Variants in LRP1B observed in about 807,000 individuals in gnomAD.
LRP1B encodes low-density lipoprotein receptor-related protein 1B.
A neutral mutation model predicts 556.6 loss-of-function variants in LRP1B; 217 were observed. That is an observed-to-expected ratio of 0.39 (90% CI 0.35 to 0.44). The LOEUF is 0.44. LRP1B is among the 20% of genes least tolerant of loss of function. LRP1B has a pLI of 1.00. For synonymous variants in LRP1B, 2,047 were observed against 1,865.8 expected, an observed-to-expected ratio of 1.10 and a Z score of -2.50; for missense variants, 5,053 against 5,620.8, an observed-to-expected ratio of 0.90 and a Z score of 3.23.
At chr2:141,467,100 G>GTATATATATATATATATATATATATA (rs1682243955) in intron 3 of LRP1B, among the ~76,000 whole-genome samples, 3 of 108,608 alleles carry the variant, frequency 2.8e-5, no homozygotes, top group African/African-American at 1.3e-4. Context: ...ACATATATAT[G>GTATATATATATATATATATATATATA]TGTATATATA....
chr2:140,372,129 ATACT>A (rs1311046129), intron 69 of LRP1B, among the ~76,000 whole-genome samples: 1 of 151,942 alleles, frequency 6.6e-6, no homozygotes, highest in African/African-American at 2.4e-5. Flanking sequence ...GTAGTCTCTC[ATACT>A]TACTTAATGA....
At chr2:141,421,472 T>C (rs1420203341) in intron 3 of LRP1B, among the ~76,000 whole-genome samples, 5 of 144,250 alleles carry the variant, frequency 3.5e-5, no homozygotes, top group East Asian at 2.0e-4. Flanking sequence ...GAGCTTGCAG[T>C]GAGCCGAGAT....
chr2:140,250,394 C>G (rs1681360269), intron 86 of LRP1B, among the ~76,000 whole-genome samples: 1 of 151,766 alleles, frequency 6.6e-6, no homozygotes, highest in African/African-American at 2.4e-5. Context: ...TAAACAGATA[C>G]TTATTGACTA....
chr2:140,428,712 A>T (rs899560430), intron 66 of LRP1B, among the ~76,000 whole-genome samples: 6 of 151,980 alleles, frequency 3.9e-5, no homozygotes, highest in Non-Finnish European at 5.9e-5. Flanking sequence ...TTTAATCAAT[A>T]TGGAGGCTAC....
At chr2:141,554,803 A>G (rs1158007657) in intron 2 of LRP1B, among the ~76,000 whole-genome samples, 1 of 151,980 alleles carries the variant, frequency 6.6e-6, no homozygotes, top group African/African-American at 2.4e-5. Context: ...TAGTGCTAAC[A>G]AATTGTGGTC....
chr2:140,358,508 C>T (rs1261059634), intron 73 of LRP1B, among the ~76,000 whole-genome samples: 1 of 151,566 alleles, frequency 6.6e-6, no homozygotes, highest in African/African-American at 2.4e-5. Flanking sequence ...CATAGACATA[C>T]AATCTATATA....
chr2:140,775,049 C>T (rs1689443915), intron 33 of LRP1B, among the ~76,000 whole-genome samples: 1 of 152,004 alleles, frequency 6.6e-6, no homozygotes, highest in Admixed American at 6.6e-5. Flanking sequence ...ATGTTTAAAG[C>T]AATTTTTTAT....
At chr2:140,304,752 T>A (rs1049895678) in intron 83 of LRP1B, among the ~76,000 whole-genome samples, 5 of 152,150 alleles carry the variant, frequency 3.3e-5, no homozygotes, top group Non-Finnish European at 7.4e-5. Flanking sequence ...CTGAATGGTA[T>A]TGCCTAGGTT....
chr2:141,244,453 T>C (rs951035967), intron 5 of LRP1B, among the ~76,000 whole-genome samples: 27 of 150,528 alleles, frequency 1.8e-4, no homozygotes, highest in African/African-American at 6.4e-4. Context: ...GGTAGAATTG[T>C]AAGGAAAAGA....
intron 32 of LRP1B, among the ~76,000 whole-genome samples, chr2:140,796,346 G>A (rs1690312450): frequency 6.6e-6 from 1 of 152,018 alleles, no homozygotes; most frequent in Admixed American, 6.6e-5. Flanking sequence ...TGAGATTGTT[G>A]TATTTATCCA....
chr2:141,150,057 G>A (rs988124336), intron 7 of LRP1B, among the ~76,000 whole-genome samples: 3 of 152,178 alleles, frequency 2.0e-5, no homozygotes, highest in African/African-American at 7.2e-5. Flanking sequence ...GTGAGGTTGT[G>A]AGGGTGGGAG....
chr2:140,432,284 C>A (rs1685983551), intron 66 of LRP1B, among the ~76,000 whole-genome samples: 1 of 152,180 alleles, frequency 6.6e-6, no homozygotes, highest in African/African-American at 2.4e-5. Context: ...AACAGACCCA[C>A]CTGTATCTCC....
At chr2:141,240,407 G>GT (rs561364338) in intron 5 of LRP1B, among the ~76,000 whole-genome samples, 51 of 151,730 alleles carry the variant, frequency 3.4e-4, no homozygotes, top group African/African-American at 1.1e-3. Context: ...GGATTTTAAG[G>GT]TTTTTTCCCT....
chr2:140,731,192 A>G (rs373899669), intron 35 of LRP1B, among the ~76,000 whole-genome samples: 46 of 152,212 alleles, frequency 3.0e-4, no homozygotes, highest in African/African-American at 1.0e-3. Flanking sequence ...TTATTCCCCT[A>G]ATAACCTGTG....
chr2:141,332,489 G>A (rs567420133), intron 3 of LRP1B, among the ~76,000 whole-genome samples: 1 of 151,090 alleles, frequency 6.6e-6, no homozygotes, highest in South Asian at 2.1e-4. Context: ...ATCATCTAAG[G>A]CCCCTGACTT....
chr2:140,544,674 T>C (rs1473123588), intron 43 of LRP1B, among the ~76,000 whole-genome samples: 2 of 152,128 alleles, frequency 1.3e-5, no homozygotes, highest in African/African-American at 4.8e-5. Flanking sequence ...TATGATTGCA[T>C]GGTATTCCAT....
intron 1 of LRP1B, among the ~76,000 whole-genome samples, chr2:141,932,143 A>T (rs1459113568): frequency 6.6e-6 from 1 of 151,994 alleles, no homozygotes; most frequent in Non-Finnish European, 1.5e-5. Context: ...AGACAACCTC[A>T]ATTTTCAGTT....
chr2:141,139,773 T>A (rs1158660242), intron 7 of LRP1B, among the ~76,000 whole-genome samples: 1 of 133,830 alleles, frequency 7.5e-6, no homozygotes, highest in Admixed American at 8.0e-5. Context: ...TACAGCCACA[T>A]TGGAAAAATG....
At chr2:141,905,589 A>C (rs1432277446) in intron 1 of LRP1B, among the ~76,000 whole-genome samples, 2 of 151,830 alleles carry the variant, frequency 1.3e-5, no homozygotes, top group Admixed American at 6.6e-5. Flanking sequence ...ATTGGAAGTG[A>C]GTATGGATAC....
Sources: allele counts gnomAD v4.1 joint callset (sites outside exome capture counted in the v4.1 genomes callset), GRCh38; gene constraint gnomAD v4.1.1; transcripts MANE v1.5; gene names NCBI Gene and HGNC (gene_info 2026-07-23, HGNC 2026-07-21).